CCDC60: variants seen among roughly 807,000 people sequenced by gnomAD.
CCDC60 encodes the protein coiled-coil domain containing 60, also known as coiled-coil domain-containing protein 60.
CCDC60 carries 54 observed loss-of-function variants against 63.5 expected under a neutral mutation model. The ratio of observed to expected loss-of-function variants is 0.85; its 90% CI spans 0.68 to 1.07. The LOEUF (loss-of-function observed/expected upper bound fraction) is 1.07, where lower values mean the gene tolerates loss of function less well. Among genes scored for constraint, CCDC60 ranks in the 50% least tolerant of loss-of-function variants. The probability of loss-of-function intolerance (pLI) is 0.00; values close to 1 mark genes in which losing one functional copy is unlikely to be tolerated. For missense variants in CCDC60, 651 were observed against 684.3 expected (o/e 0.95, Z 0.54); for synonymous variants, 206 against 238.8 (o/e 0.86, Z 1.27).
At chr12:119,482,177 C>CAT (rs1555249404) in intron 4 of CCDC60, among the ~76,000 whole-genome samples, 4 of 149,534 alleles carry the variant, frequency 2.7e-5, no homozygotes, top group African/African-American at 7.4e-5. Flanking sequence ...CACACACACA[C>CAT]ATATATATAT....
At chr12:119,414,975 T>G (rs1427468522) in intron 1 of CCDC60, among the ~76,000 whole-genome samples, 1 of 152,258 alleles carries the variant, frequency 6.6e-6, no homozygotes, top group African/African-American at 2.4e-5. Flanking sequence ...ACAGTTATTT[T>G]TTAATAACCA....
intron 2 of CCDC60, among the ~76,000 whole-genome samples, chr12:119,468,626 G>A (rs1050106846): frequency 6.6e-6 from 1 of 152,090 alleles, no homozygotes; most frequent in African/African-American, 2.4e-5. Flanking sequence ...GCATTTTATT[G>A]AGTCTAAACC....
intron 1 of CCDC60, among the ~76,000 whole-genome samples, chr12:119,392,911 T>C (rs1956185548): frequency 6.6e-6 from 1 of 152,146 alleles, no homozygotes; most frequent in African/African-American, 2.4e-5. Flanking sequence ...TCCCAGCACT[T>C]TGGGAAGCCA....
rs373048073 is a variant in CCDC60 at position 119,455,120 on chromosome 12, G to A, written c.171-16874G>A. On this transcript the variant is annotated intron_variant, in intron 2 of 13. Coordinates refer to ENST00000327554, the MANE Select transcript of CCDC60 (RefSeq NM_178499.5). ...GGAAATATAGTTTTTGTTTGTGGTG[G>A]TTGTTGTTTGATTTTGCTTTGCTTT... Among the ~76,000 whole-genome samples the A allele has an allele frequency of 2.4e-3, 219 of 92,064 alleles. 1 individual carries two copies. The highest frequency in any genetic ancestry group is 7.7e-3 in the African/African-American group (207 of 26,736). The allele number at this position is 92,064 out of a possible 152,430, so 60.4% of individuals were successfully genotyped here.
chr12:119,420,721 G>GT lies in CCDC60; in HGVS notation c.91-7959dup, dbSNP rs1956797647. On this transcript the variant is annotated intron_variant, in intron 1 of 13. Transcript: ENST00000327554. The surrounding 1 kb of genome is among the most constrained non-coding windows in gnomAD (Gnocchi z 4.1). ...AAATGACTAAGAGTATAATTGGATTGTTTGTAACTCAAAGGATAAATGCTT... is the reference window on the plus strand; with the variant it reads ...AAATGACTAAGAGTATAATTGGATTGTTTTGTAACTCAAAGGATAAATGCTT... Among the ~76,000 whole-genome samples the GT allele has an allele frequency of 6.6e-6, 1 of 152,120 alleles. No homozygotes were observed. The highest frequency in any genetic ancestry group is 1.5e-5 in the Non-Finnish European group (1 of 68,034).
intron 1 of CCDC60, among the ~76,000 whole-genome samples, chr12:119,381,056 A>C (rs1301995454): frequency 2.0e-5 from 3 of 152,194 alleles, no homozygotes; most frequent in Admixed American, 2.0e-4. Flanking sequence ...GACGTACCCT[A>C]GATCAGGCAG....
At chr12:119,375,953 C>G (rs1955946267) in intron 1 of CCDC60, among the ~76,000 whole-genome samples, 1 of 152,204 alleles carries the variant, frequency 6.6e-6, no homozygotes, top group Non-Finnish European at 1.5e-5. Flanking sequence ...CCCGTTGTCT[C>G]TTTAAAAGAC....
chr12:119,538,733 T>C (rs1266001637), intron 13 of CCDC60, among the ~76,000 whole-genome samples: 1 of 152,232 alleles, frequency 6.6e-6, no homozygotes, highest in African/African-American at 2.4e-5. Flanking sequence ...GTTCCCTTGC[T>C]GGTGAGGAAC....
chr12:119,492,595 T>C (rs893965081), intron 5 of CCDC60, among the ~76,000 whole-genome samples: 3 of 152,210 alleles, frequency 2.0e-5, no homozygotes, highest in Non-Finnish European at 2.9e-5. Context: ...AATCTTCAAG[T>C]GCATTTTTTT....
At chr12:119,443,124 T>C (rs549906038) in intron 2 of CCDC60, among the ~76,000 whole-genome samples, 1 of 152,360 alleles carries the variant, frequency 6.6e-6, no homozygotes, top group South Asian at 2.1e-4. Context: ...TAGGATTCTT[T>C]ATTTAAAGTC....
intron 2 of CCDC60, among the ~76,000 whole-genome samples, chr12:119,463,613 A>G (rs972630354): frequency 1.3e-5 from 2 of 152,278 alleles, no homozygotes; most frequent in Non-Finnish European, 2.9e-5. Context: ...ACTGCTGGTA[A>G]GAAGCACTAA....
intron 1 of CCDC60, among the ~76,000 whole-genome samples, chr12:119,339,199 G>A (rs73217245): frequency 2.4e-4 from 37 of 152,258 alleles, no homozygotes; most frequent in Non-Finnish European, 3.7e-4. Context: ...GAAGCAGATT[G>A]TGTATAGGAT....
At position 119,410,659 on chromosome 12, in the gene CCDC60, G is replaced by A. The variant is rs1956580056; in HGVS notation, c.91-18024G>A. Among the ~76,000 whole-genome samples the A allele has an allele frequency of 6.6e-6, 1 of 151,938 alleles. No individual in the cohort carries two copies. The highest frequency in any genetic ancestry group is 2.1e-4 in the South Asian group (1 of 4,816). ...TTCCTTCTGTCTGAAACACCTATAG[G>A]GCAGAAAAAGTAAAACCCTTTACCT... On this transcript the variant is annotated intron_variant, in intron 1 of 13. Transcript: ENST00000327554. The surrounding 1 kb of genome is among the most constrained non-coding windows in gnomAD (Gnocchi z 4.0).
At chr12:119,471,332 T>C (rs1951052852) in intron 2 of CCDC60, among the ~76,000 whole-genome samples, 1 of 152,188 alleles carries the variant, frequency 6.6e-6, no homozygotes, top group African/African-American at 2.4e-5. Context: ...GATGTGAGCA[T>C]TTAGGCAAAT....
At chr12:119,427,619 A>G (rs1956924948) in intron 1 of CCDC60, among the ~76,000 whole-genome samples, 1 of 152,212 alleles carries the variant, frequency 6.6e-6, no homozygotes, top group Non-Finnish European at 1.5e-5. Flanking sequence ...GCTCATTTCT[A>G]AAGCATCTGG....
chr12:119,474,616 A>G lies in CCDC60; in HGVS notation c.341+2452A>G, dbSNP rs951086829. Among the ~76,000 whole-genome samples, 4 of 152,166 alleles carry G rather than the reference A, an allele frequency of 2.6e-5. 1 individual carries two copies. In the East Asian group the frequency reaches 7.7e-4, roughly 29 times the overall value. On this transcript the variant is annotated intron_variant, in intron 3 of 13. Coordinates refer to ENST00000327554, the MANE Select transcript of CCDC60 (RefSeq NM_178499.5). ...AGTGATGAAAATGTTTTGTACCAAG[A>G]GGTTATGGTTGTACAACATGGTGCA...
chr12:119,443,164 A>G (rs1950479281), intron 2 of CCDC60, among the ~76,000 whole-genome samples: 1 of 152,254 alleles, frequency 6.6e-6, no homozygotes, highest in African/African-American at 2.4e-5. Context: ...TCCTAGGCTC[A>G]GCCTTTTCTT....
chr12:119,369,263 T>C (rs1955874746), intron 1 of CCDC60, among the ~76,000 whole-genome samples: 1 of 152,164 alleles, frequency 6.6e-6, no homozygotes, highest in South Asian at 2.1e-4. Context: ...ATGTAGGTTT[T>C]AAAAAGATTT....
chr12:119,478,603 CTTTTTT>C (rs35215523), intron 3 of CCDC60, among the ~76,000 whole-genome samples: 1 of 87,080 alleles, frequency 1.1e-5, no homozygotes. Flanking sequence ...AAGGCAGGGA[CTTTTTT>C]TTTTTTTTTT....
Sources: allele counts gnomAD v4.1 joint callset (sites outside exome capture counted in the v4.1 genomes callset), GRCh38; gene constraint gnomAD v4.1.1; non-coding constraint Gnocchi (gnomAD v3.1); transcripts MANE v1.5; gene names NCBI Gene and HGNC (gene_info 2026-07-23, HGNC 2026-07-21).